Variants in ABTB3 observed in about 807,000 individuals in gnomAD.
ABTB3 encodes ankyrin repeat- and BTB/POZ domain-containing protein 3.
the ABTB3 span, among the ~76,000 whole-genome samples, chr12:107,645,393 C>T: frequency 1.3e-5 from 2 of 152,150 alleles, no homozygotes; most frequent in Non-Finnish European, 2.9e-5. Flanking sequence ...GCCATAATCC[C>T]CACCTTACAG....
At chr12:107,466,622 G>A in the ABTB3 span, among the ~76,000 whole-genome samples, 106 of 152,154 alleles carry the variant, frequency 7.0e-4, no homozygotes, top group African/African-American at 2.3e-3. Context: ...ACCTGCCCTG[G>A]GGGTCTGCAG....
chr12:107,402,430 C>T, the ABTB3 span, among the ~76,000 whole-genome samples: 1 of 152,160 alleles, frequency 6.6e-6, no homozygotes, highest in Non-Finnish European at 1.5e-5. Context: ...GTAAAGTGGT[C>T]CTCCTGACAG....
the ABTB3 span, among the ~76,000 whole-genome samples, chr12:107,537,201 C>T: frequency 1.3e-5 from 2 of 151,906 alleles, no homozygotes; most frequent in African/African-American, 4.8e-5. Context: ...GAAGTAGAGA[C>T]TAACATTATA....
the ABTB3 span, among the ~76,000 whole-genome samples, chr12:107,625,093 T>C: frequency 2.0e-5 from 3 of 152,258 alleles, no homozygotes; most frequent in Admixed American, 1.3e-4. Context: ...TGATGTTGAA[T>C]ATATTTTCAA....
chr12:107,626,600 A>G, the ABTB3 span, among the ~76,000 whole-genome samples: 1 of 151,942 alleles, frequency 6.6e-6, no homozygotes, highest in Non-Finnish European at 1.5e-5. Flanking sequence ...TGCCTGCCTC[A>G]GCCTCCCAAA....
At chr12:107,523,601 C>T in the ABTB3 span, among the ~76,000 whole-genome samples, 1 of 151,976 alleles carries the variant, frequency 6.6e-6, no homozygotes, top group Non-Finnish European at 1.5e-5. Context: ...TGTGATATAA[C>T]AAGATATAGC....
chr12:107,618,245 C>G, the ABTB3 span: 1 of 1,613,912 alleles, frequency 6.2e-7, no homozygotes, highest in South Asian at 1.1e-5. Flanking sequence ...AGGGGACTGA[C>G]CTGGCGGAGA....
the ABTB3 span, among the ~76,000 whole-genome samples, chr12:107,435,154 C>T: frequency 6.6e-6 from 1 of 152,226 alleles, no homozygotes; most frequent in Non-Finnish European, 1.5e-5. Flanking sequence ...ATTAAACATA[C>T]ATGCCTCTGA....
At chr12:107,320,537 C>CG in the ABTB3 span, 1 of 455,922 alleles carries the variant, frequency 2.2e-6, no homozygotes, top group Non-Finnish European at 4.4e-6. Flanking sequence ...CCCACTTCCC[C>CG]ACTCCCTCGG....
At chr12:107,525,838 C>T in the ABTB3 span, among the ~76,000 whole-genome samples, 1 of 152,180 alleles carries the variant, frequency 6.6e-6, no homozygotes, top group South Asian at 2.1e-4. Flanking sequence ...TTCTGGAGCA[C>T]CTACTGTGTA....
chr12:107,443,491 A>AGCAGAGAGAACAGCAAGTGC, the ABTB3 span, among the ~76,000 whole-genome samples: 1 of 152,056 alleles, frequency 6.6e-6, no homozygotes, highest in Admixed American at 6.5e-5. Flanking sequence ...GAGTGTTCCA[A>AGCAGAGAGAACAGCAAGTGC]GCAGAGAGAA....
the ABTB3 span, among the ~76,000 whole-genome samples, chr12:107,368,525 T>C: frequency 6.6e-6 from 1 of 151,638 alleles, no homozygotes; most frequent in Non-Finnish European, 1.5e-5. Context: ...AATTCCCCAG[T>C]ACCGTGAACA....
At chr12:107,532,893 A>G in the ABTB3 span, among the ~76,000 whole-genome samples, 3 of 152,240 alleles carry the variant, frequency 2.0e-5, no homozygotes, top group African/African-American at 7.2e-5. Flanking sequence ...GGAATAAAAA[A>G]AAATCCTGCC....
At chr12:107,387,039 G>A in the ABTB3 span, among the ~76,000 whole-genome samples, 3 of 150,922 alleles carry the variant, frequency 2.0e-5, no homozygotes, top group Non-Finnish European at 2.9e-5. Flanking sequence ...GTGCAGTGGC[G>A]TGATCTTGGC....
the ABTB3 span, among the ~76,000 whole-genome samples, chr12:107,535,265 AG>A: frequency 1.3e-5 from 2 of 152,170 alleles, no homozygotes; most frequent in African/African-American, 4.8e-5. Context: ...AATTAGGCAT[AG>A]AAGGAAAAAA....
chr12:107,608,729 G>A, the ABTB3 span, among the ~76,000 whole-genome samples: 2 of 151,676 alleles, frequency 1.3e-5, no homozygotes, highest in African/African-American at 4.9e-5. Context: ...TGATGAGCTG[G>A]GTGTGGTGGT....
the ABTB3 span, among the ~76,000 whole-genome samples, chr12:107,472,276 G>A: frequency 2.0e-5 from 3 of 152,176 alleles, no homozygotes; most frequent in African/African-American, 2.4e-5. Flanking sequence ...AGGCTTCTTG[G>A]ATCTAGGAAG....
chr12:107,321,067 A>C, the ABTB3 span, among the ~76,000 whole-genome samples: 1 of 152,174 alleles, frequency 6.6e-6, no homozygotes, highest in Non-Finnish European at 1.5e-5. Context: ...GGAGCTAGAC[A>C]CTTCAAAGCT....
At chr12:107,612,787 C>T in the ABTB3 span, 1 of 1,613,108 alleles carries the variant, frequency 6.2e-7, no homozygotes, top group Non-Finnish European at 8.5e-7. Flanking sequence ...CAGGGCATGA[C>T]TCCCCTGATG....
Sources: gnomAD v4.1 joint callset for allele counts (sites outside exome capture counted in the v4.1 genomes callset) on GRCh38, gnomAD v4.1.1 for gene constraint, MANE v1.5 for transcripts, NCBI Gene and HGNC (gene_info 2026-07-23, HGNC 2026-07-21) for gene names.